The following DNAJB11 variants were observed in gnomAD, a reference collection of about 807,000 sequenced individuals.
DNAJB11 encodes the protein dnaJ homolog subfamily B member 11.
DNAJB11 carries 30 observed loss-of-function variants against 47.2 expected under a neutral mutation model. The observed-to-expected ratio is 0.64, with a 90% CI of 0.48 to 0.86. The LOEUF (loss-of-function observed/expected upper bound fraction) is 0.86. DNAJB11 is among the 40% of genes least tolerant of loss of function. DNAJB11 has a pLI of 0.00. For missense variants in DNAJB11, 357 were observed against 440.2 expected (o/e 0.81, Z 1.69); for synonymous variants, 151 against 159.9 (o/e 0.94, Z 0.42).
intron 1 of DNAJB11, among the ~76,000 whole-genome samples, 166 bp downstream of exon 1, chr3:186,571,131 G>A (rs922039126): frequency 6.6e-6 from 1 of 152,180 alleles, no homozygotes; most frequent in Non-Finnish European, 1.5e-5. Flanking sequence ...GGCTAGTGGG[G>A]TGAGAGGAGA....
In DNAJB11 at chr3:186,572,192, C is replaced by T; in HGVS notation, c.166C>T (p.Arg56Trp). 4 of 1,613,956 alleles carry T rather than the reference C, an allele frequency of 2.5e-6. No individual in the cohort carries two copies. The highest frequency in any genetic ancestry group is 2.2e-5 in the East Asian group (1 of 44,882). ...ACTAGCCCTGCAGCTTCATCCCGACCGGAACCCTGATGATCCACAAGCCCA... is the reference window on the plus strand; with the variant it reads ...ACTAGCCCTGCAGCTTCATCCCGACTGGAACCCTGATGATCCACAAGCCCA... The part of the protein sequence containing the change: ...RKLALQLHPD[R>W]NPDDPQAQEK... Residue 56 changes from arginine to tryptophan, a missense_variant, in exon 2 of 10, where the codon CGG becomes TGG. Arg to Trp is a moderately radical substitution (Grantham distance 101, BLOSUM62 -3). Coordinates refer to ENST00000265028, the MANE Select transcript of DNAJB11 (RefSeq NM_016306.6).
intron 5 of DNAJB11, 54 bp from the exon 6 acceptor site, chr3:186,581,941 T>G: frequency 1.4e-5 from 19 of 1,377,152 alleles, no homozygotes; most frequent in Non-Finnish European, 1.7e-5. Flanking sequence ...CTATATCTGA[T>G]GTTTTGTTTA....
At chr3:186,572,358 T>TTGA in intron 2 of DNAJB11, 107 bp downstream of exon 2, 24 of 744,792 alleles carry the variant, frequency 3.2e-5, no homozygotes, top group Non-Finnish European at 4.2e-5. Context: ...TTTATTTATT[T>TTGA]ATTTTGAGAC....
At chr3:186,575,088 G>C (rs1715221018) in intron 2 of DNAJB11, among the ~76,000 whole-genome samples, 1 of 152,142 alleles carries the variant, frequency 6.6e-6, no homozygotes, top group South Asian at 2.1e-4. Context: ...GTAGTTCTCT[G>C]AAACTTAAAA....
At chr3:186,574,192 CT>C (rs1715184409) in intron 2 of DNAJB11, among the ~76,000 whole-genome samples, 1 of 152,148 alleles carries the variant, frequency 6.6e-6, no homozygotes, top group South Asian at 2.1e-4. Flanking sequence ...AACTAAAAAC[CT>C]TTTTTCTTTT....
At chr3:186,578,536 T>G (rs1715376626) in intron 4 of DNAJB11, 1 of 152,234 alleles carries the variant, frequency 6.6e-6, no homozygotes, top group Admixed American at 6.5e-5. Flanking sequence ...GCCTCACTAA[T>G]ACTTGGAATT....
intron 1 of DNAJB11, 63 bp downstream of exon 1, chr3:186,571,028 G>A (rs1715029581): frequency 1.8e-6 from 2 of 1,089,462 alleles, no homozygotes; most frequent in African/African-American, 3.3e-5. Flanking sequence ...GGGGTGGGAG[G>A]GGGTGGGGGA....
chr3:186,570,734 G>T lies in DNAJB11; in HGVS notation c.-164G>T. ...CGGGACTCGGGACTCCCGGGAAGTG[G>T]ACCGGCAGAAGAGGGGGCTAGCTAG... On this transcript the variant is annotated 5_prime_UTR_variant, in exon 1 of 10. Coordinates refer to ENST00000265028, the MANE Select transcript of DNAJB11 (RefSeq NM_016306.6). The T allele has an allele frequency of 1.5e-6, 1 of 660,610 alleles. No homozygotes were observed. The highest frequency in any genetic ancestry group is 2.6e-6 in the Non-Finnish European group (1 of 382,388). The allele number at this position is 660,610 out of a possible 1,614,324, so 40.9% of individuals were successfully genotyped here.
At chr3:186,584,316 CT>C in intron 8 of DNAJB11, 113 bp from the exon 9 acceptor site, 2 of 1,084,474 alleles carry the variant, frequency 1.8e-6, no homozygotes, top group Non-Finnish European at 2.5e-6. Flanking sequence ...CTCCTTCATT[CT>C]TTCTTTTTGC....
chr3:186,581,456 G>A lies in DNAJB11; in HGVS notation c.542G>A (p.Gly181Asp). The A allele has an allele frequency of 6.2e-7, 1 of 1,613,810 alleles. No individual in the cohort carries two copies. The change falls in exon 5 of 10, where the codon GGC (glycine) becomes GAC (aspartate). Residue 181 changes from glycine to aspartate, a missense_variant. Gly to Asp is a moderately conservative substitution (Grantham distance 94, BLOSUM62 -1). Transcript: ENST00000265028. ...CAAGAGATGCGGACCACCCAGCTGGGCCCTGGGCGCTTCCAAATGACCCAG... is the reference window on the plus strand; with the variant it reads ...CAAGAGATGCGGACCACCCAGCTGGACCCTGGGCGCTTCCAAATGACCCAG... ...CRQEMRTTQL[G>D]PGRFQMTQEV...
chr3:186,584,625 G>GTGTGTGTT, intron 9 of DNAJB11, 36 bp downstream of exon 9: 1 of 1,501,602 alleles, frequency 6.7e-7, no homozygotes, highest in African/African-American at 1.5e-5. Flanking sequence ...GTGTGTGTTT[G>GTGTGTGTT]TGTGTGTGTA....
At chr3:186,581,629 C>A in intron 5 of DNAJB11, 116 bp downstream of exon 5, 1 of 1,210,134 alleles carries the variant, frequency 8.3e-7, no homozygotes, top group Non-Finnish European at 1.1e-6. Context: ...CTGCCATGTT[C>A]TGCAAAAGGA....
intron 7 of DNAJB11, 82 bp from the exon 8 acceptor site, chr3:186,583,783 T>C: frequency 1.1e-6 from 1 of 944,430 alleles, no homozygotes; most frequent in Non-Finnish European, 1.7e-6. Flanking sequence ...AAGAGTGGTG[T>C]TCACCTTTTT....
chr3:186,576,909 A>T (rs961313866), intron 3 of DNAJB11, among the ~76,000 whole-genome samples: 1 of 152,080 alleles, frequency 6.6e-6, no homozygotes, highest in Non-Finnish European at 1.5e-5. Context: ...GGTTGGTGGG[A>T]GAGGGAGTTA....
intron 7 of DNAJB11, among the ~76,000 whole-genome samples, chr3:186,583,158 G>T (rs1190175827): frequency 1.3e-5 from 2 of 152,206 alleles, no homozygotes; most frequent in Non-Finnish European, 2.9e-5. Flanking sequence ...CTTTTCTTTT[G>T]TGAGCTTCTC....
In DNAJB11 at chr3:186,570,732, T is replaced by G. The variant is rs3806713; in HGVS notation, c.-166T>G. 4.6e-6 allele frequency: 3 copies of G among 655,314 alleles called. No individual in the cohort carries two copies. Among genetic ancestry groups the G allele is most frequent in the Non-Finnish European group, 7.9e-6 (3 of 379,128 alleles). 40.6% of individuals were successfully genotyped at this position (655,314 alleles called of 1,614,324 possible). A position where few individuals can be genotyped will look rare whatever the true frequency, so the allele number is the denominator to read the frequency against. On this transcript the variant is annotated 5_prime_UTR_variant, in exon 1 of 10. Transcript: ENST00000265028. Reference sequence around the variant, plus strand: ...ACCGGGACTCGGGACTCCCGGGAAGTGGACCGGCAGAAGAGGGGGCTAGCT... The same window carrying G: ...ACCGGGACTCGGGACTCCCGGGAAGGGGACCGGCAGAAGAGGGGGCTAGCT...
At chr3:186,575,354 T>TGCGC (rs368559871) in intron 2 of DNAJB11, among the ~76,000 whole-genome samples, 4 of 129,440 alleles carry the variant, frequency 3.1e-5, no homozygotes, top group African/African-American at 1.2e-4. Context: ...TCCTAATACA[T>TGCGC]GCGCGCGCGC....
chr3:186,571,068 A>T (rs1560233638), intron 1 of DNAJB11, 103 bp downstream of exon 1: 7 of 1,056,320 alleles, frequency 6.6e-6, no homozygotes, highest in Non-Finnish European at 9.5e-6. Flanking sequence ...CGGAGTGGAG[A>T]GGGGCATCGC....
chr3:186,585,740 T>C lies in DNAJB11; in HGVS notation c.*332T>C, dbSNP rs1476666744. The C allele has an allele frequency of 2.4e-5, 4 of 165,532 alleles. No individual in the cohort carries two copies. The highest frequency in any genetic ancestry group is 9.6e-5 in the African/African-American group (4 of 41,840). 10.3% of individuals were successfully genotyped at this position (165,532 alleles called of 1,614,324 possible). ...AGGGTTGGAGTTGTTAGCAATTTCA[T>C]TCAAAATGCCAACTGGAGAAGTCTG... On this transcript the variant is annotated 3_prime_UTR_variant, in exon 10 of 10. Transcript: ENST00000265028.
Sources: gnomAD v4.1 joint callset for allele counts (sites outside exome capture counted in the v4.1 genomes callset) on GRCh38, gnomAD v4.1.1 for gene constraint, MANE v1.5 for transcripts, NCBI Gene and HGNC (gene_info 2026-07-23, HGNC 2026-07-21) for gene names.